PDE1C: variants seen among roughly 807,000 people sequenced by gnomAD.
PDE1C encodes dual specificity calcium/calmodulin-dependent 3',5'-cyclic nucleotide phosphodiesterase 1C.
PDE1C carries 62 observed loss-of-function variants against 93.1 expected under a neutral mutation model. The observed-to-expected ratio is 0.67, with a 90% confidence interval of 0.54 to 0.82. The LOEUF (loss-of-function observed/expected upper bound fraction) is 0.82, where lower values mean the gene tolerates loss of function less well. Among genes scored for constraint, PDE1C ranks in the 40% least tolerant of loss-of-function variants. PDE1C has a pLI of 0.00. For missense variants in PDE1C, 742 were observed against 884.6 expected, an observed-to-expected ratio of 0.84 and a Z score of 2.04; for synonymous variants, 325 against 310.1, an observed-to-expected ratio of 1.05 and a Z score of -0.50.
chr7:31,779,080 C>T (rs1783206884), intron 16 of PDE1C, among the ~76,000 whole-genome samples: 1 of 152,212 alleles, frequency 6.6e-6, no homozygotes, highest in Admixed American at 6.5e-5. Context: ...CCAGGCCTCA[C>T]TAAGCTCTCG....
At chr7:32,427,912 G>C (rs1370088244) in exon 1 of PDE1C, 1 of 152,358 alleles carries the variant, frequency 6.6e-6, no homozygotes, top group Non-Finnish European at 1.5e-5. Flanking sequence ...GCCAACTTCG[G>C]CAGCTCTTCT....
At chr7:32,383,071 G>C (rs765145425) in intron 1 of PDE1C, among the ~76,000 whole-genome samples, 2 of 152,192 alleles carry the variant, frequency 1.3e-5, no homozygotes, top group African/African-American at 4.8e-5. Flanking sequence ...GGCATCTCAG[G>C]ACTATTCATT....
chr7:31,825,051 A>G, intron 12 of PDE1C, 64 bp from the exon 13 acceptor site: 3 of 1,596,218 alleles, frequency 1.9e-6, no homozygotes, highest in Non-Finnish European at 2.6e-6. Context: ...CATACTTTCC[A>G]GAAGAAACTG....
intron 16 of PDE1C, among the ~76,000 whole-genome samples, chr7:31,798,532 C>T (rs1785593089): frequency 6.6e-6 from 1 of 151,708 alleles, no homozygotes; most frequent in Non-Finnish European, 1.5e-5. Context: ...AGTGACGCAA[C>T]ATAAACTAGA....
chr7:31,730,113 T>C, the PDE1C span, among the ~76,000 whole-genome samples: 36 of 152,236 alleles, frequency 2.4e-4, 1 homozygote, highest in South Asian at 7.5e-3. Flanking sequence ...AGCATCTGAT[T>C]CCCCTAGACG....
At chr7:31,826,354 A>C (rs1789665950) in intron 12 of PDE1C, among the ~76,000 whole-genome samples, 1 of 152,226 alleles carries the variant, frequency 6.6e-6, no homozygotes, top group South Asian at 2.1e-4. Flanking sequence ...ATCGTGATTG[A>C]TAAGGAAACA....
the PDE1C span, among the ~76,000 whole-genome samples, chr7:31,665,422 G>C: frequency 1.2e-4 from 19 of 152,246 alleles, no homozygotes; most frequent in Admixed American, 4.6e-4. Context: ...TTATGGAAGA[G>C]AAACTTGTCT....
At chr7:31,786,927 A>G (rs975837588) in intron 16 of PDE1C, 1 of 135,448 alleles carries the variant, frequency 7.4e-6, no homozygotes, top group East Asian at 2.0e-4. Flanking sequence ...CTATCTATCT[A>G]TCTATCTATC....
intron 2 of PDE1C, among the ~76,000 whole-genome samples, chr7:32,205,660 C>T (rs12701190): frequency 0.34 from 51,724 of 151,882 alleles, 9,383 homozygotes; most frequent in Admixed American, 0.46. Flanking sequence ...GTTCCTTCCC[C>T]CTTTGCAATG....
chr7:31,893,640 C>T (rs959670441), intron 2 of PDE1C: 1 of 243,204 alleles, frequency 4.1e-6, no homozygotes, highest in Non-Finnish European at 6.6e-6. Flanking sequence ...AACGCTAATA[C>T]AGGACCAACT....
Position 32,129,547 on chromosome 7 carries a change from C to A in PDE1C, c.308+40238G>T, listed in dbSNP as rs929347070. Among the ~76,000 whole-genome samples the A allele has an allele frequency of 7.3e-5, 9 of 123,448 alleles. 2 individuals are homozygous for A. Among genetic ancestry groups the A allele is most frequent in the Admixed American group, 1.5e-4 (2 of 13,242 alleles). 81.0% of individuals were successfully genotyped at this position (123,448 alleles called of 152,430 possible). ...AAATTTGTTAAAATATAATAAATAA[C>A]CCTCAAGTTTCTCTTTGTCATGAGG... On this transcript the variant is annotated intron_variant, in intron 3 of 18. Coordinates refer to the PDE1C transcript ENST00000396193.
chr7:32,242,264 G>T (rs891041155), intron 1 of PDE1C, among the ~76,000 whole-genome samples: 2 of 152,156 alleles, frequency 1.3e-5, no homozygotes, highest in Admixed American at 1.3e-4. Flanking sequence ...GTCTGATAGG[G>T]CTGATGGACA....
the PDE1C span, among the ~76,000 whole-genome samples, chr7:31,689,576 C>T: frequency 2.6e-5 from 4 of 151,950 alleles, no homozygotes; most frequent in East Asian, 3.9e-4. Context: ...AGAATTAGAC[C>T]GGCTCATGTC....
chr7:31,909,575 TTCC>T (rs1439673283), intron 2 of PDE1C, among the ~76,000 whole-genome samples: 2 of 152,180 alleles, frequency 1.3e-5, no homozygotes, highest in Non-Finnish European at 2.9e-5. Context: ...ATGCATTCAT[TTCC>T]TCATTTTAAT....
chr7:32,179,466 G>A (rs1290162748), intron 2 of PDE1C, among the ~76,000 whole-genome samples: 4 of 151,948 alleles, frequency 2.6e-5, no homozygotes, highest in Non-Finnish European at 4.4e-5. Context: ...TCACCATGTT[G>A]GCCAGGCTGG....
chr7:32,187,891 C>T (rs879480050), intron 2 of PDE1C, among the ~76,000 whole-genome samples: 6 of 152,254 alleles, frequency 3.9e-5, no homozygotes, highest in East Asian at 1.9e-4. Context: ...TTAGGACTAG[C>T]CACATTTCAA....
At chr7:31,837,684 C>T (rs1791291517) in intron 10 of PDE1C, among the ~76,000 whole-genome samples, 186 bp downstream of exon 10, 1 of 152,160 alleles carries the variant, frequency 6.6e-6, no homozygotes, top group African/African-American at 2.4e-5. Flanking sequence ...TTCTTTCAAC[C>T]CTGATGAGAA....
rs116449276 is a variant in PDE1C, at chr7:32,051,431, C to T, written c.128+123G>A. 1,570 of 909,426 alleles carry T rather than the reference C, an allele frequency of 1.7e-3. 8 individuals carry two copies. The African/African-American group carries it at 0.022, about 13-fold the overall frequency. The allele number at this position is 909,426 out of a possible 1,614,324, so 56.3% of individuals were successfully genotyped here. A position where few individuals can be genotyped will look rare whatever the true frequency, so the allele number is the denominator to read the frequency against. ...AGCAGTCACGATCGGAGATAAAGCA[C>T]GCAACATGCTGAGAAAGAACCAAAA... On this transcript the variant is annotated intron_variant, in intron 2 of 17. Transcript: ENST00000396191.
the PDE1C span, among the ~76,000 whole-genome samples, chr7:31,709,650 G>A: frequency 6.6e-6 from 1 of 152,156 alleles, no homozygotes; most frequent in Admixed American, 6.5e-5. Flanking sequence ...ACAGAATGGT[G>A]AGAGGCAAAA....
Sources: gnomAD v4.1 joint callset for allele counts (sites outside exome capture counted in the v4.1 genomes callset) on GRCh38, gnomAD v4.1.1 for gene constraint, MANE v1.5 for transcripts, NCBI Gene and HGNC (gene_info 2026-07-23, HGNC 2026-07-21) for gene names.